The following DYM variants were observed in gnomAD, a reference collection of about 807,000 sequenced individuals.
DYM encodes the protein dymeclin.
In DYM, 78 loss-of-function variants were observed where a neutral mutation model predicts 93.1. The observed-to-expected ratio is 0.84, with a 90% confidence interval of 0.70 to 1.01. The LOEUF (loss-of-function observed/expected upper bound fraction) is 1.01, where lower values mean the gene tolerates loss of function less well. DYM is among the 50% of genes least tolerant of loss of function. The pLI, the probability that DYM is intolerant of heterozygous loss-of-function variation, is 0.00. For missense variants in DYM, 789 were observed against 845.0 expected (o/e 0.93, Z 0.82); for synonymous variants, 321 against 319.7 (o/e 1.00, Z -0.04).
At chr18:49,289,758 T>TATACACAC (rs1555678672) in intron 8 of DYM, among the ~76,000 whole-genome samples, 4 of 38,166 alleles carry the variant, frequency 1.0e-4, no homozygotes, top group African/African-American at 2.8e-4. Context: ...TATATATATA[T>TATACACAC]ATATATATAT....
intron 17 of DYM, among the ~76,000 whole-genome samples, chr18:49,075,209 T>A (rs968444594): frequency 1.3e-5 from 2 of 152,170 alleles, no homozygotes; most frequent in African/African-American, 4.8e-5. Context: ...CCAGGGACAT[T>A]CCCTCTTTCA....
At chr18:49,120,377 GAA>G (rs2082278813) in intron 15 of DYM, among the ~76,000 whole-genome samples, 1 of 152,118 alleles carries the variant, frequency 6.6e-6, no homozygotes, top group Non-Finnish European at 1.5e-5. Context: ...TAAAAGGATG[GAA>G]AAAGATACCT....
At chr18:49,112,114 C>CCTCCTCTCCGCACCCCA (rs1481685776) in intron 16 of DYM, among the ~76,000 whole-genome samples, 2 of 42,744 alleles carry the variant, frequency 4.7e-5, no homozygotes, top group Non-Finnish European at 1.9e-4. Flanking sequence ...TCTGCACCCG[C>CCTCCTCTCCGCACCCCA]CTCCTCTCCG....
chr18:49,446,448 G>A (rs1334315098), intron 1 of DYM, among the ~76,000 whole-genome samples: 1 of 152,112 alleles, frequency 6.6e-6, no homozygotes, highest in African/African-American at 2.4e-5. Context: ...AAGAGAGAAT[G>A]AGCTTTACTA....
intron 13 of DYM, among the ~76,000 whole-genome samples, chr18:49,239,357 A>G (rs528182458): frequency 6.6e-6 from 1 of 152,386 alleles, no homozygotes; most frequent in African/African-American, 2.4e-5. Context: ...TACAATAAGC[A>G]ATAATTTATA....
intron 6 of DYM, among the ~76,000 whole-genome samples, chr18:49,340,910 G>A (rs1367437787): frequency 2.0e-5 from 3 of 152,200 alleles, no homozygotes; most frequent in African/African-American, 7.2e-5. Flanking sequence ...CTTTCTAAAT[G>A]TAGCACCCAG....
intron 16 of DYM, among the ~76,000 whole-genome samples, chr18:49,101,502 T>C (rs757731869): frequency 6.6e-6 from 1 of 152,168 alleles, no homozygotes. Flanking sequence ...ATGATTATTA[T>C]TAATAGATCA....
chr18:49,191,144 A>G (rs2090934716), intron 14 of DYM, among the ~76,000 whole-genome samples: 1 of 152,116 alleles, frequency 6.6e-6, no homozygotes, highest in African/African-American at 2.4e-5. Flanking sequence ...ATATTTTGAT[A>G]GTAACTATAC....
rs1047535740 is a variant in DYM at position 49,171,404 on chromosome 18, G to A, written c.1626-7617C>T. Among the ~76,000 whole-genome samples the A allele has an allele frequency of 3.3e-5, 5 of 151,984 alleles. No individual in the cohort carries two copies. The East Asian group carries it at 9.6e-4, about 29-fold the overall frequency. ...ACACACTAGTAACAGCAGTCATAGG[G>A]GAAAAGAGAAGTAACTGAACTCCAC... On this transcript the variant is annotated intron_variant, in intron 14 of 17. Transcript: ENST00000675505.
chr18:49,153,373 T>C (rs1337315499), intron 15 of DYM, among the ~76,000 whole-genome samples: 1 of 152,232 alleles, frequency 6.6e-6, no homozygotes, highest in Non-Finnish European at 1.5e-5. Context: ...ACCAATTTTA[T>C]TCACAGGGTT....
chr18:49,357,832 T>C (rs754871385), intron 6 of DYM, among the ~76,000 whole-genome samples: 1 of 152,078 alleles, frequency 6.6e-6, no homozygotes, highest in Non-Finnish European at 1.5e-5. Flanking sequence ...TAACAGGTAA[T>C]ATGAAGAGTA....
intron 8 of DYM, among the ~76,000 whole-genome samples, chr18:49,317,570 T>TCA (rs2062034400): frequency 8.7e-5 from 1 of 11,500 alleles, no homozygotes; most frequent in Non-Finnish European, 1.5e-4. Flanking sequence ...TCTCTCTCTC[T>TCA]CTCTCTCTCT....
intron 13 of DYM, among the ~76,000 whole-genome samples, chr18:49,236,256 G>A (rs570888476): frequency 6.6e-6 from 1 of 152,086 alleles, no homozygotes; most frequent in African/African-American, 2.4e-5. Context: ...TGAGATGGGC[G>A]GATCACCAGA....
intron 9 of DYM, among the ~76,000 whole-genome samples, chr18:49,285,001 A>C (rs1355954917): frequency 6.6e-6 from 1 of 152,164 alleles, no homozygotes; most frequent in African/African-American, 2.4e-5. Flanking sequence ...CATAGCATTC[A>C]GCCCTTTTAG....
intron 17 of DYM, among the ~76,000 whole-genome samples, chr18:49,078,642 A>G (rs1191047480): frequency 2.6e-5 from 4 of 152,214 alleles, no homozygotes; most frequent in Non-Finnish European, 5.9e-5. Flanking sequence ...AGAAATATCA[A>G]GAGTTTCCCA....
At chr18:49,280,527 G>C (rs929545331) in intron 10 of DYM, among the ~76,000 whole-genome samples, 2 of 152,160 alleles carry the variant, frequency 1.3e-5, no homozygotes, top group Non-Finnish European at 2.9e-5. Context: ...AAATCTCCTT[G>C]AGATTTTTGG....
intron 10 of DYM, among the ~76,000 whole-genome samples, chr18:49,273,753 C>G (rs539099900): frequency 6.6e-6 from 1 of 151,294 alleles, no homozygotes; most frequent in East Asian, 1.9e-4. Context: ...ACAAAATCAC[C>G]TAATAAAACA....
chr18:49,396,848 T>C (rs950069770), intron 2 of DYM, among the ~76,000 whole-genome samples: 4 of 152,232 alleles, frequency 2.6e-5, no homozygotes, highest in Non-Finnish European at 5.9e-5. Context: ...CTCACTCATC[T>C]GTGAAAACTT....
At chr18:49,291,531 A>G (rs1028662418) in intron 8 of DYM, among the ~76,000 whole-genome samples, 1 of 152,200 alleles carries the variant, frequency 6.6e-6, no homozygotes, top group African/African-American at 2.4e-5. Flanking sequence ...GTCCTCAAAA[A>G]AGAGTATACT....
Sources: allele counts gnomAD v4.1 joint callset (sites outside exome capture counted in the v4.1 genomes callset), GRCh38; gene constraint gnomAD v4.1.1; transcripts MANE v1.5; gene names NCBI Gene and HGNC (gene_info 2026-07-23, HGNC 2026-07-21).